NOSTRIN: variants seen among roughly 807,000 people sequenced by gnomAD.
NOSTRIN encodes nitric oxide synthase trafficking.
Under a neutral mutation model 59.0 loss-of-function variants are expected in NOSTRIN, and 63 were observed. The observed-to-expected ratio is 1.07, with a 90% CI of 0.87 to 1.32. The LOEUF is 1.32. Among genes scored for constraint, NOSTRIN ranks in the 40% most tolerant of loss-of-function variants. The pLI is 0.00. For missense variants in NOSTRIN, 512 were observed against 473.1 expected, an observed-to-expected ratio of 1.08 and a Z score of -0.76; for synonymous variants, 200 against 165.4, an observed-to-expected ratio of 1.21 and a Z score of -1.61.
chr2:168,864,035 C>A (rs369690535), intron 15 of NOSTRIN, among the ~76,000 whole-genome samples: 4 of 151,602 alleles, frequency 2.6e-5, no homozygotes, highest in East Asian at 3.9e-4. Context: ...CTCAGTCTCC[C>A]AAGCTCACTG....
chr2:168,844,689 C>T (rs1298539116), intron 8 of NOSTRIN, among the ~76,000 whole-genome samples: 14 of 151,992 alleles, frequency 9.2e-5, no homozygotes, highest in South Asian at 2.1e-4. Context: ...GCTAACACGG[C>T]GAAACCCCGT....
chr2:168,813,909 G>A (rs543298349), intron 2 of NOSTRIN, among the ~76,000 whole-genome samples: 1 of 152,102 alleles, frequency 6.6e-6, no homozygotes, highest in African/African-American at 2.4e-5. Flanking sequence ...CCTTAGCCAA[G>A]AAGCCATTTT....
At chr2:168,856,452 GTAA>G (rs1689117476) in intron 11 of NOSTRIN, 1 of 501,892 alleles carries the variant, frequency 2.0e-6, no homozygotes, top group Admixed American at 3.3e-5. Flanking sequence ...GCATACACCT[GTAA>G]TCCCAGCTAC....
chr2:168,808,649 TAAG>T (rs1214090166), intron 1 of NOSTRIN, among the ~76,000 whole-genome samples: 1 of 152,080 alleles, frequency 6.6e-6, no homozygotes, highest in Non-Finnish European at 1.5e-5. Flanking sequence ...ATAAATCAAA[TAAG>T]AAAGCCACAG....
rs114915383 is a variant in NOSTRIN, at chr2:168,861,186, C to T, written c.1294+277C>T. Among the ~76,000 whole-genome samples the T allele has an allele frequency of 3.5e-3, 540 of 152,270 alleles. 5 individuals are homozygous for T. The highest frequency in any genetic ancestry group is 5.2e-3 in the Non-Finnish European group (356 of 68,016). ...CAAATGGCCTGTTATTTGCCATAAA[C>T]ATAATCACACCTAAACCATCGTGAG... is the stretch of plus-strand genomic sequence containing the variant. On this transcript the variant is annotated intron_variant, in intron 14 of 15. Transcript: ENST00000317647.
intron 6 of NOSTRIN, among the ~76,000 whole-genome samples, chr2:168,833,281 C>T (rs1399608392): frequency 6.6e-6 from 1 of 152,192 alleles, no homozygotes; most frequent in Admixed American, 6.5e-5. Context: ...CATTTCCCAG[C>T]AGGCATGTGG....
rs940042856 is a variant in NOSTRIN at position 168,802,797 on chromosome 2, C to T, written c.27+124C>T. 4.2e-5 allele frequency: 32 copies of T among 764,658 alleles called. No individual in the cohort carries two copies. The Middle Eastern group carries it at 1.3e-3, about 32-fold the overall frequency. 47.4% of individuals were successfully genotyped at this position (764,658 alleles called of 1,614,324 possible). On this transcript the variant is annotated intron_variant, in intron 1 of 15. Coordinates refer to ENST00000317647, the MANE Select transcript of NOSTRIN (RefSeq NM_001039724.4). ...GAAACCAAACACATTTAGATATTGG[C>T]TGTGGTGCAAAAGTTTGTGGTTTTT...
At chr2:168,828,114 G>A (rs1687150494) in intron 3 of NOSTRIN, 44 bp from the exon 4 acceptor site, 1 of 870,998 alleles carries the variant, frequency 1.1e-6, no homozygotes, top group African/African-American at 1.6e-5. Flanking sequence ...TATTTCCTAG[G>A]AAAATGACAC....
chr2:168,861,869 C>T, intron 14 of NOSTRIN, 91 bp from the exon 15 acceptor site: 2 of 1,135,944 alleles, frequency 1.8e-6, no homozygotes, highest in Admixed American at 2.2e-5. Flanking sequence ...TATTGAAACT[C>T]TGCATCACAC....
At chr2:168,830,866 C>T (rs1390007526) in intron 5 of NOSTRIN, among the ~76,000 whole-genome samples, 1 of 152,200 alleles carries the variant, frequency 6.6e-6, no homozygotes, top group Non-Finnish European at 1.5e-5. Flanking sequence ...GCAACAATAT[C>T]AGCTCATGCA....
chr2:168,808,653 A>T (rs1209160388), intron 1 of NOSTRIN, among the ~76,000 whole-genome samples: 2 of 152,238 alleles, frequency 1.3e-5, no homozygotes, highest in African/African-American at 2.4e-5. Context: ...ATCAAATAAG[A>T]AAGCCACAGG....
At chr2:168,806,408 C>T (rs1228717558) in intron 1 of NOSTRIN, among the ~76,000 whole-genome samples, 1 of 152,068 alleles carries the variant, frequency 6.6e-6, no homozygotes, top group Non-Finnish European at 1.5e-5. Context: ...ATAATCTTTA[C>T]AAGTCGCCTG....
chr2:168,845,518 G>C (rs1688360775), intron 8 of NOSTRIN, among the ~76,000 whole-genome samples: 1 of 152,174 alleles, frequency 6.6e-6, no homozygotes, highest in Non-Finnish European at 1.5e-5. Flanking sequence ...GTTAGGGAAG[G>C]CTATGATTAT....
At chr2:168,832,100 G>T (rs1375160665) in intron 6 of NOSTRIN, among the ~76,000 whole-genome samples, 2 of 152,154 alleles carry the variant, frequency 1.3e-5, no homozygotes, top group South Asian at 2.1e-4. Context: ...TATGTAAAAG[G>T]GGATGCGTAT....
rs370103221 is a variant in NOSTRIN, at chr2:168,855,393, G to A, written c.897G>A (p.Lys299=). Residue 299 remains lysine (K), a synonymous_variant, in exon 11 of 16, where the codon AAG becomes AAA. Transcript: ENST00000317647. ...GTGCAATGGATAAAGAGAGACGAAAGTCTTTACTAAAACCAAAATTATTGA... is the reference window on the plus strand; with the variant it reads ...GTGCAATGGATAAAGAGAGACGAAAATCTTTACTAAAACCAAAATTATTGA... The part of the protein sequence containing the change: ...PNSAMDKERR[K]SLLKPKLLRL... 6 of 1,610,216 alleles carry A rather than the reference G, an allele frequency of 3.7e-6. No individual in the cohort carries two copies. The highest frequency in any genetic ancestry group is 1.3e-5 in the African/African-American group (1 of 74,746).
intron 11 of NOSTRIN, chr2:168,856,045 A>G: frequency 3.5e-6 from 1 of 283,460 alleles, no homozygotes. Flanking sequence ...GATAGAAAAC[A>G]TTTAGTGATG....
At chr2:168,856,404 GTC>G (rs1384399299) in intron 11 of NOSTRIN, 10 of 361,094 alleles carry the variant, frequency 2.8e-5, no homozygotes, top group Non-Finnish European at 4.7e-5. Flanking sequence ...ATGAAACTGT[GTC>G]TCTACTAAAA....
intron 15 of NOSTRIN, 87 bp downstream of exon 15, chr2:168,862,136 A>C: frequency 8.6e-7 from 1 of 1,158,068 alleles, no homozygotes; most frequent in Non-Finnish European, 1.3e-6. Flanking sequence ...TGGCAGCCTT[A>C]AGAGTTACTA....
chr2:168,812,381 T>C (rs758390210), intron 2 of NOSTRIN, among the ~76,000 whole-genome samples: 9 of 152,200 alleles, frequency 5.9e-5, no homozygotes, highest in Non-Finnish European at 1.0e-4. Context: ...AAAGATGCCA[T>C]GGATTGGTTG....
Sources: allele counts gnomAD v4.1 joint callset (sites outside exome capture counted in the v4.1 genomes callset), GRCh38; gene constraint gnomAD v4.1.1; transcripts MANE v1.5; gene names NCBI Gene and HGNC (gene_info 2026-07-23, HGNC 2026-07-21).